Variants in LRRC1 observed in about 807,000 individuals in gnomAD.
LRRC1 encodes the protein leucine-rich repeat-containing protein 1.
A neutral mutation model predicts 69.9 loss-of-function variants in LRRC1; 28 were observed. The ratio of observed to expected loss-of-function variants is 0.40; its 90% CI spans 0.30 to 0.55. LRRC1 has a LOEUF of 0.55. Ranked by LOEUF, LRRC1 falls within the 20% of genes least tolerant of loss-of-function variation. The probability of loss-of-function intolerance (pLI) is 0.47; values close to 1 mark genes in which losing one functional copy is unlikely to be tolerated. For missense variants in LRRC1, 498 were observed against 609.0 expected (o/e 0.82, Z 1.92); for synonymous variants, 236 against 240.2 (o/e 0.98, Z 0.16).
chr6:53,864,790 T>C (rs189272795), intron 2 of LRRC1, among the ~76,000 whole-genome samples: 1 of 152,252 alleles, frequency 6.6e-6, no homozygotes, highest in Admixed American at 6.5e-5. Context: ...TTTCCTGATC[T>C]GAGCCTGTCC....
At chr6:53,873,209 C>T (rs1766952278) in intron 2 of LRRC1, among the ~76,000 whole-genome samples, 1 of 150,702 alleles carries the variant, frequency 6.6e-6, no homozygotes, top group Admixed American at 6.6e-5. Context: ...TTTTTTGTAG[C>T]TATTATAAAT....
At chr6:53,806,886 A>C (rs1446280260) in intron 1 of LRRC1, among the ~76,000 whole-genome samples, 1 of 152,166 alleles carries the variant, frequency 6.6e-6, no homozygotes, top group Admixed American at 6.5e-5. Context: ...TGAACACTGA[A>C]GTTTTTCTCT....
At chr6:53,896,937 T>C (rs1767894585) in intron 6 of LRRC1, 45 bp downstream of exon 6, 2 of 1,267,318 alleles carry the variant, frequency 1.6e-6, no homozygotes, top group Admixed American at 1.7e-5. Flanking sequence ...TTTTTAGTTA[T>C]GATCACACAG....
chr6:53,899,137 G>T (rs544470480), intron 7 of LRRC1, among the ~76,000 whole-genome samples: 4 of 152,328 alleles, frequency 2.6e-5, no homozygotes, highest in African/African-American at 9.6e-5. Context: ...AGAAGAAAAG[G>T]TAGGTCTTGA....
At chr6:53,825,847 G>A (rs554251925) in intron 1 of LRRC1, among the ~76,000 whole-genome samples, 1 of 152,006 alleles carries the variant, frequency 6.6e-6, no homozygotes, top group Non-Finnish European at 1.5e-5. Context: ...CCTTTTGATT[G>A]TTCTTTATGC....
chr6:53,900,105 T>G (rs1447194235), intron 8 of LRRC1, among the ~76,000 whole-genome samples: 1 of 133,086 alleles, frequency 7.5e-6, no homozygotes, highest in East Asian at 2.5e-4. Context: ...TGGTGCAATC[T>G]CAGCTCACTG....
At chr6:53,840,400 C>G (rs1765743409) in intron 1 of LRRC1, among the ~76,000 whole-genome samples, 1 of 152,088 alleles carries the variant, frequency 6.6e-6, no homozygotes, top group Non-Finnish European at 1.5e-5. Flanking sequence ...TTTCCTGTGC[C>G]TGGAAACTTT....
chr6:53,863,517 G>T (rs1190961940), intron 2 of LRRC1, among the ~76,000 whole-genome samples: 1 of 152,170 alleles, frequency 6.6e-6, no homozygotes, highest in Non-Finnish European at 1.5e-5. Context: ...CCTCCCTTCA[G>T]CTCTGTGGCT....
chr6:53,901,040 A>G (rs1360312136), intron 8 of LRRC1, among the ~76,000 whole-genome samples: 2 of 118,144 alleles, frequency 1.7e-5, no homozygotes, highest in Non-Finnish European at 3.5e-5. Flanking sequence ...CAGCTGGAAA[A>G]TCGGTAGGGG....
chr6:53,807,697 A>G (rs978119093), intron 1 of LRRC1, among the ~76,000 whole-genome samples: 3 of 152,172 alleles, frequency 2.0e-5, no homozygotes, highest in Non-Finnish European at 2.9e-5. Context: ...GTGAGCCAAG[A>G]TCACGCCATT....
At chr6:53,810,281 A>C (rs1208545112) in intron 1 of LRRC1, among the ~76,000 whole-genome samples, 3 of 152,238 alleles carry the variant, frequency 2.0e-5, no homozygotes. Flanking sequence ...CCATCTGCTC[A>C]GGAAAAATCT....
intron 1 of LRRC1, among the ~76,000 whole-genome samples, chr6:53,821,210 CAT>C (rs1159271434): frequency 2.0e-5 from 3 of 152,186 alleles, no homozygotes; most frequent in East Asian, 3.9e-4. Context: ...TGTGGGTTCT[CAT>C]GTGTCCACCT....
Position 53,920,618 on chromosome 6 carries a change from AC to A in LRRC1, c.1280-6del. On this transcript the variant is annotated splice_polypyrimidine_tract_variant and splice_region_variant and intron_variant, in intron 12 of 13. Coordinates refer to ENST00000370888, the MANE Select transcript of LRRC1 (RefSeq NM_018214.5). ...ATTCCCTGCTTATGTGGTCTTTGTC[AC>A]TGCAGAGAATCTGCCTCGCTGTGGT... 2 of 1,614,146 alleles carry A rather than the reference AC, an allele frequency of 1.2e-6. No homozygotes were observed.
chr6:53,853,658 A>G (rs879023650), intron 2 of LRRC1, among the ~76,000 whole-genome samples: 2 of 152,230 alleles, frequency 1.3e-5, no homozygotes, highest in Non-Finnish European at 2.9e-5. Flanking sequence ...AAGATCTGAC[A>G]TAACATTTCT....
chr6:53,859,571 C>A (rs896380177), intron 2 of LRRC1, among the ~76,000 whole-genome samples: 1 of 152,068 alleles, frequency 6.6e-6, no homozygotes, highest in Non-Finnish European at 1.5e-5. Flanking sequence ...CAGATAAGTC[C>A]GTGGAACAAT....
At chr6:53,903,430 C>T (rs1455679250) in intron 9 of LRRC1, among the ~76,000 whole-genome samples, 8 of 152,230 alleles carry the variant, frequency 5.3e-5, no homozygotes, top group Non-Finnish European at 1.2e-4. Flanking sequence ...CTTTTGTCAG[C>T]CCTTCAGTTG....
At chr6:53,836,990 T>G (rs566224801) in intron 1 of LRRC1, among the ~76,000 whole-genome samples, 1 of 152,346 alleles carries the variant, frequency 6.6e-6, no homozygotes, top group South Asian at 2.1e-4. Context: ...TGCATTTTTG[T>G]GTGCCTGGCT....
chr6:53,822,662 T>C (rs1765148628), intron 1 of LRRC1, among the ~76,000 whole-genome samples: 1 of 152,156 alleles, frequency 6.6e-6, no homozygotes, highest in Non-Finnish European at 1.5e-5. Context: ...ACCAGACAAA[T>C]GGCCACCTCA....
intron 1 of LRRC1, among the ~76,000 whole-genome samples, chr6:53,804,455 T>A (rs918977925): frequency 6.6e-6 from 1 of 152,202 alleles, no homozygotes; most frequent in Non-Finnish European, 1.5e-5. Flanking sequence ...TATATCACCA[T>A]GTATTTGTTG....
Sources: gnomAD v4.1 joint callset for allele counts (sites outside exome capture counted in the v4.1 genomes callset) on GRCh38, gnomAD v4.1.1 for gene constraint, MANE v1.5 for transcripts, NCBI Gene and HGNC (gene_info 2026-07-23, HGNC 2026-07-21) for gene names.